The following DPY19L3 variants were observed in gnomAD, a reference collection of about 807,000 sequenced individuals.
DPY19L3 encodes the protein protein C-mannosyl-transferase DPY19L3.
In DPY19L3, 51 loss-of-function variants were observed where a neutral mutation model predicts 92.3. That is an observed-to-expected ratio of 0.55 (90% confidence interval 0.44 to 0.70). The LOEUF (loss-of-function observed/expected upper bound fraction) is 0.70, where lower values mean the gene tolerates loss of function less well. Among genes scored for constraint, DPY19L3 ranks in the 30% least tolerant of loss-of-function variants. The pLI is 0.00. For synonymous variants in DPY19L3, 309 were observed against 315.2 expected, an observed-to-expected ratio of 0.98 and a Z score of 0.21; for missense variants, 706 against 855.9, an observed-to-expected ratio of 0.82 and a Z score of 2.18.
At chr19:32,418,457 T>A (rs1284380406) in intron 3 of DPY19L3, among the ~76,000 whole-genome samples, 1 of 152,250 alleles carries the variant, frequency 6.6e-6, no homozygotes, top group Non-Finnish European at 1.5e-5. Flanking sequence ...TATTGAACAC[T>A]TGAAATGGGG....
At chr19:32,474,536 A>T (rs1970449178) in intron 16 of DPY19L3, among the ~76,000 whole-genome samples, 1 of 152,240 alleles carries the variant, frequency 6.6e-6, no homozygotes. Context: ...CACTAGGCTC[A>T]CTACAGCACT....
intron 8 of DPY19L3, among the ~76,000 whole-genome samples, chr19:32,449,721 A>G (rs749616221): frequency 2.0e-5 from 3 of 152,232 alleles, no homozygotes; most frequent in Non-Finnish European, 4.4e-5. Context: ...ACCGACATGC[A>G]AAAGAATGAA....
intron 8 of DPY19L3, among the ~76,000 whole-genome samples, chr19:32,443,469 AAGGGAGC>A (rs1300858252): frequency 1.3e-5 from 2 of 152,178 alleles, no homozygotes; most frequent in African/African-American, 4.8e-5. Context: ...AAACAGGCAC[AAGGGAGC>A]TGTTTCACCC....
chr19:32,475,795 C>A (rs1016452834), intron 16 of DPY19L3, among the ~76,000 whole-genome samples: 2 of 152,174 alleles, frequency 1.3e-5, no homozygotes, highest in African/African-American at 4.8e-5. Flanking sequence ...ATTGTTGATA[C>A]GGGGAACAGA....
intron 3 of DPY19L3, among the ~76,000 whole-genome samples, chr19:32,425,550 CAA>C (rs954640150): frequency 8.4e-6 from 1 of 118,844 alleles, no homozygotes; most frequent in Non-Finnish European, 1.8e-5. Context: ...GACTCTGTCT[CAA>C]AAAAAAAAAA....
chr19:32,480,661 T>TA (rs1442040054), intron 18 of DPY19L3, 104 bp downstream of exon 18: 4 of 1,361,006 alleles, frequency 2.9e-6, no homozygotes, highest in Non-Finnish European at 3.9e-6. Context: ...CTAGTTGAAT[T>TA]ACGCTACGAA....
At chr19:32,455,137 A>T (rs2903738) in intron 10 of DPY19L3, 97 bp downstream of exon 10, 206,204 of 823,224 alleles carry the variant, frequency 0.25, 29,359 homozygotes, top group African/African-American at 0.51. Context: ...TAATAAACTA[A>T]TTGTTTTAGA....
chr19:32,463,004 A>G (rs780328119), intron 12 of DPY19L3, among the ~76,000 whole-genome samples: 66 of 152,198 alleles, frequency 4.3e-4, no homozygotes, highest in Middle Eastern at 6.8e-3. Context: ...ATTTGTAAAA[A>G]TTTGAAAAAT....
intron 9 of DPY19L3, among the ~76,000 whole-genome samples, chr19:32,453,670 AC>A (rs1969778256): frequency 1.3e-5 from 2 of 152,022 alleles, no homozygotes; most frequent in African/African-American, 4.8e-5. Flanking sequence ...GTTGGTGGAT[AC>A]CCTGTTATTT....
At chr19:32,460,791 C>CAAGTATTTA (rs1160536412) in intron 12 of DPY19L3, among the ~76,000 whole-genome samples, 2 of 152,116 alleles carry the variant, frequency 1.3e-5, no homozygotes, top group Non-Finnish European at 2.9e-5. Flanking sequence ...TTGTCAGTGC[C>CAAGTATTTA]AAGTATTTAA....
intron 12 of DPY19L3, among the ~76,000 whole-genome samples, chr19:32,460,412 A>G (rs1394374656): frequency 2.0e-5 from 3 of 152,098 alleles, no homozygotes; most frequent in South Asian, 2.1e-4. Context: ...CCCTATCTCT[A>G]TTTTTAAAAA....
chr19:32,411,549 C>CT (rs1968183688), intron 3 of DPY19L3, 177 bp downstream of exon 3: 4 of 485,646 alleles, frequency 8.2e-6, no homozygotes, highest in Non-Finnish European at 1.4e-5. Context: ...ATATTAGAAT[C>CT]TTTTTTTAAA....
intron 1 of DPY19L3, 51 bp from the exon 2 acceptor site, chr19:32,408,166 G>T: frequency 3.4e-6 from 3 of 876,038 alleles, no homozygotes. Flanking sequence ...TGAGCACGGG[G>T]TGTGTTGGGG....
At chr19:32,472,062 A>G (rs1970374441) in intron 16 of DPY19L3, among the ~76,000 whole-genome samples, 2 of 152,250 alleles carry the variant, frequency 1.3e-5, no homozygotes, top group Admixed American at 1.3e-4. Flanking sequence ...GCCTCAGCAC[A>G]ATTGCCCTCA....
In DPY19L3 at chr19:32,429,143, G is replaced by A. The variant is rs547429891; in HGVS notation, c.238-3573G>A. Among the ~76,000 whole-genome samples, 333 of 152,232 alleles carry A rather than the reference G, an allele frequency of 2.2e-3. 5 individuals are homozygous for A. In the South Asian group the frequency reaches 0.026, roughly 12 times the overall value. On this transcript the variant is annotated intron_variant, in intron 3 of 18. Transcript: ENST00000392250. ...ATTACAGGCGTGAGCCACCACACCC[G>A]GCCAGCTGTACAGTTCTTTATAAAT... is the stretch of plus-strand genomic sequence containing the variant.
At chr19:32,469,886 C>T (rs1568358739) in intron 16 of DPY19L3, among the ~76,000 whole-genome samples, 3 of 152,228 alleles carry the variant, frequency 2.0e-5, no homozygotes, top group Non-Finnish European at 4.4e-5. Flanking sequence ...AACCAGAAAG[C>T]AGCAGTGTAA....
chr19:32,450,594 A>G (rs1043486605), intron 8 of DPY19L3, among the ~76,000 whole-genome samples: 3 of 152,214 alleles, frequency 2.0e-5, no homozygotes, highest in African/African-American at 4.8e-5. Flanking sequence ...TGAGAACACC[A>G]TGCTAAGTAA....
intron 3 of DPY19L3, chr19:32,412,373 TA>T (rs1246231457): frequency 0.06 from 287 of 4,776 alleles, no homozygotes; most frequent in African/African-American, 0.39. Context: ...CTTTTAATTT[TA>T]TATATATATA....
intron 8 of DPY19L3, among the ~76,000 whole-genome samples, chr19:32,441,487 T>C (rs1029300381): frequency 2.5e-4 from 33 of 134,424 alleles, no homozygotes; most frequent in African/African-American, 9.2e-4. Flanking sequence ...ATAATGAACA[T>C]GTGTCTCTTT....
Sources: gnomAD v4.1 joint callset for allele counts (sites outside exome capture counted in the v4.1 genomes callset) on GRCh38, gnomAD v4.1.1 for gene constraint, MANE v1.5 for transcripts, NCBI Gene and HGNC (gene_info 2026-07-23, HGNC 2026-07-21) for gene names.